The following FRMD6 variants were observed in gnomAD, a reference collection of about 807,000 sequenced individuals.
FRMD6 encodes the protein FERM domain-containing protein 6.
Under a neutral mutation model 73.2 loss-of-function variants are expected in FRMD6, and 37 were observed. The ratio of observed to expected loss-of-function variants is 0.51; its 90% CI spans 0.39 to 0.66. The LOEUF is 0.66. Ranked by LOEUF, FRMD6 falls within the 30% of genes least tolerant of loss-of-function variation. The pLI, the probability that FRMD6 is intolerant of heterozygous loss-of-function variation, is 0.00. For synonymous variants in FRMD6, 273 were observed against 282.2 expected, an observed-to-expected ratio of 0.97 and a Z score of 0.33; for missense variants, 714 against 780.5, an observed-to-expected ratio of 0.91 and a Z score of 1.02.
intron 1 of FRMD6, among the ~76,000 whole-genome samples, chr14:51,665,647 G>T (rs1893530856): frequency 6.6e-6 from 1 of 152,142 alleles, no homozygotes; most frequent in Non-Finnish European, 1.5e-5. Flanking sequence ...ATTTATTTTA[G>T]ATCTTCTGGG....
the FRMD6 span, among the ~76,000 whole-genome samples, chr14:51,449,114 T>A: frequency 6.6e-6 from 1 of 152,168 alleles, no homozygotes; most frequent in Admixed American, 6.5e-5. Context: ...TGTCTGACCC[T>A]CAGTTGCTGT....
the FRMD6 span, among the ~76,000 whole-genome samples, chr14:51,429,581 C>T: frequency 6.6e-5 from 10 of 152,184 alleles, no homozygotes; most frequent in East Asian, 3.9e-4. Context: ...ACATCTCATG[C>T]GTTTGGACAG....
At chr14:51,674,687 G>A (rs908611179) in intron 1 of FRMD6, among the ~76,000 whole-genome samples, 1 of 152,044 alleles carries the variant, frequency 6.6e-6, no homozygotes, top group African/African-American at 2.4e-5. Context: ...GTAGGGTAAG[G>A]TGTAATTCTG....
chr14:51,471,345 C>A, the FRMD6 span, among the ~76,000 whole-genome samples: 6 of 151,676 alleles, frequency 4.0e-5, no homozygotes, highest in Non-Finnish European at 5.9e-5. Context: ...ACAACAACAA[C>A]AAAAAATTAG....
Position 51,544,932 on chromosome 14 carries a change from C to T in FRMD6, c.-209-25416C>T, listed in dbSNP as rs17124144. ...GGATTTTAAATCCATAATTACAACT[C>T]AGTATTTTCCATGGGCTCAAAACCC... is the stretch of plus-strand genomic sequence containing the variant. On this transcript the variant is annotated intron_variant, in intron 1 of 14. Coordinates refer to the FRMD6 transcript ENST00000356218. Among the ~76,000 whole-genome samples the T allele has an allele frequency of 6.6e-3, 1,001 of 152,114 alleles. 5 individuals are homozygous for T. Among genetic ancestry groups the T allele is most frequent in the South Asian group, 0.014 (66 of 4,822 alleles).
At chr14:51,695,018 A>G (rs1895850542) in intron 2 of FRMD6, among the ~76,000 whole-genome samples, 2 of 149,966 alleles carry the variant, frequency 1.3e-5, no homozygotes, top group African/African-American at 5.1e-5. Flanking sequence ...TAGCAGAACA[A>G]TAATAAATGT....
intron 1 of FRMD6, among the ~76,000 whole-genome samples, chr14:51,564,005 TA>T (rs1887636018): frequency 6.6e-6 from 1 of 152,236 alleles, no homozygotes; most frequent in Non-Finnish European, 1.5e-5. Flanking sequence ...CTAAAGTTTT[TA>T]TTACGGAAAA....
At chr14:51,407,520 T>C in the FRMD6 span, among the ~76,000 whole-genome samples, 1 of 151,966 alleles carries the variant, frequency 6.6e-6, no homozygotes, top group Admixed American at 6.6e-5. Context: ...TTTGTGAAAT[T>C]TAATTTTTTT....
the FRMD6 span, among the ~76,000 whole-genome samples, chr14:51,438,305 C>G: frequency 2.0e-5 from 3 of 152,232 alleles, no homozygotes; most frequent in African/African-American, 7.2e-5. Context: ...TTGGAATTGA[C>G]ATTCTCTATC....
At chr14:51,669,738 C>T (rs1239749760) in intron 1 of FRMD6, among the ~76,000 whole-genome samples, 3 of 151,980 alleles carry the variant, frequency 2.0e-5, no homozygotes, top group African/African-American at 7.2e-5. Context: ...GGATTTAAGT[C>T]TTTAATCAGA....
At chr14:51,407,691 T>G in the FRMD6 span, among the ~76,000 whole-genome samples, 1 of 152,062 alleles carries the variant, frequency 6.6e-6, no homozygotes, top group Non-Finnish European at 1.5e-5. Context: ...TTAAAATATT[T>G]TTCTAATTTT....
intron 12 of FRMD6, among the ~76,000 whole-genome samples, chr14:51,722,744 C>T (rs1173297442): frequency 6.6e-6 from 1 of 152,182 alleles, no homozygotes; most frequent in African/African-American, 2.4e-5. Flanking sequence ...GATCTAACTG[C>T]TTTTGTCACA....
the FRMD6 span, among the ~76,000 whole-genome samples, chr14:51,424,228 C>T: frequency 6.6e-6 from 1 of 152,070 alleles, no homozygotes; most frequent in Non-Finnish European, 1.5e-5. Flanking sequence ...TAAAAGCCAC[C>T]GATGAGATCA....
At chr14:51,688,471 A>T (rs1429689033) in intron 1 of FRMD6, among the ~76,000 whole-genome samples, 1 of 152,146 alleles carries the variant, frequency 6.6e-6, no homozygotes, top group South Asian at 2.1e-4. Context: ...CCTCCTGCTG[A>T]TAAGAGTTAT....
At chr14:51,454,222 TC>T in the FRMD6 span, among the ~76,000 whole-genome samples, 2 of 152,250 alleles carry the variant, frequency 1.3e-5, no homozygotes, top group African/African-American at 4.8e-5. Context: ...CACAATGCTT[TC>T]CAGGGTATGT....
chr14:51,403,582 TG>T, the FRMD6 span, among the ~76,000 whole-genome samples: 2 of 152,034 alleles, frequency 1.3e-5, no homozygotes, highest in African/African-American at 4.8e-5. Context: ...TTGTATTTTT[TG>T]TAGAGACGAG....
intron 1 of FRMD6, among the ~76,000 whole-genome samples, chr14:51,536,402 T>C (rs1451526040): frequency 3.9e-5 from 6 of 151,960 alleles, no homozygotes; most frequent in African/African-American, 1.2e-4. Context: ...CTCTTGCCCA[T>C]ATTTTTAATT....
intron 2 of FRMD6, among the ~76,000 whole-genome samples, chr14:51,578,197 T>C (rs1339978390): frequency 6.6e-6 from 1 of 152,202 alleles, no homozygotes; most frequent in East Asian, 1.9e-4. Flanking sequence ...AAAGCTACCG[T>C]TGATGCCAGG....
chr14:51,566,737 C>G (rs1570126), intron 1 of FRMD6, among the ~76,000 whole-genome samples: 35 of 152,230 alleles, frequency 2.3e-4, no homozygotes, highest in African/African-American at 7.5e-4. Flanking sequence ...TTGCACCAAC[C>G]CAATACTTTC....
Sources: gnomAD v4.1 joint callset for allele counts (sites outside exome capture counted in the v4.1 genomes callset) on GRCh38, gnomAD v4.1.1 for gene constraint, MANE v1.5 for transcripts, NCBI Gene and HGNC (gene_info 2026-07-23, HGNC 2026-07-21) for gene names.